SLC22A24: variants seen among roughly 807,000 people sequenced by gnomAD.
The protein encoded by SLC22A24 is solute carrier family 22 member 24.
In SLC22A24, 53 loss-of-function variants were observed where a neutral mutation model predicts 49.8. That is an observed-to-expected ratio of 1.06 (90% CI 0.85 to 1.34). The LOEUF is 1.34. Among genes scored for constraint, SLC22A24 ranks in the 40% most tolerant of loss-of-function variants. The probability of loss-of-function intolerance (pLI) is 0.00; values close to 1 mark genes in which losing one functional copy is unlikely to be tolerated. For missense variants in SLC22A24, 786 were observed against 675.9 expected (o/e 1.16, Z -1.81); for synonymous variants, 302 against 256.4 (o/e 1.18, Z -1.70).
intron 4 of SLC22A24, among the ~76,000 whole-genome samples, chr11:63,108,310 T>A (rs538109241): frequency 1.3e-5 from 2 of 152,318 alleles, no homozygotes; most frequent in Admixed American, 1.3e-4. Context: ...GATAAGCTTT[T>A]TGATGTGCTG....
rs143841916 is a variant in SLC22A24, at chr11:63,143,638, G to T, written c.142C>A (p.Arg48Ser). The change falls in exon 1 of 10, where the codon CGC becomes AGC. Residue 48 changes from arginine (R) to serine (S), a missense_variant. Transcript: ENST00000612278. ...TTGTCCAGGAGGGGGACCCAGCAGC[G>T]ATGACTAGGGGTGAATGCAGTGAAG... is the stretch of plus-strand genomic sequence containing the variant. Reference protein sequence around the residue: ...ENFTAFTPSHRCWVPLLDNDT... With the variant: ...ENFTAFTPSHSCWVPLLDNDT... 4 of 1,596,562 alleles carry T rather than the reference G, an allele frequency of 2.5e-6. No individual in the cohort carries two copies. Among genetic ancestry groups the T allele is most frequent in the Admixed American group, 1.7e-5 (1 of 57,964 alleles).
intron 4 of SLC22A24, among the ~76,000 whole-genome samples, chr11:63,111,955 T>C (rs2087168640): frequency 1.3e-5 from 2 of 152,146 alleles, no homozygotes; most frequent in Non-Finnish European, 2.9e-5. Flanking sequence ...GTGTCAATTT[T>C]GGATCTTTCT....
chr11:63,084,446 C>T (rs912636676), intron 6 of SLC22A24, among the ~76,000 whole-genome samples: 10 of 152,044 alleles, frequency 6.6e-5, no homozygotes, highest in South Asian at 2.1e-4. Flanking sequence ...GTGGGGAAGG[C>T]GACCAGCAAT....
At position 63,143,648 on chromosome 11, in the gene SLC22A24, G is replaced by A. The variant is rs148163521; in HGVS notation, c.132C>T (p.Thr44=). 3.1e-6 allele frequency: 5 copies of A among 1,599,126 alleles called. No homozygotes were observed. The highest frequency in any genetic ancestry group is 4.3e-6 in the Non-Finnish European group (5 of 1,173,208). ...GGGGGACCCAGCAGCGATGACTAGGGGTGAATGCAGTGAAGTTCTCCAACA... is the reference window on the plus strand; with the variant it reads ...GGGGGACCCAGCAGCGATGACTAGGAGTGAATGCAGTGAAGTTCTCCAACA... The part of the protein sequence containing the change: ...NIVLENFTAF[T]PSHRCWVPLL... Residue 44 remains threonine (T), a synonymous_variant, in exon 1 of 10, where the codon ACC becomes ACT. Coordinates refer to ENST00000612278, the MANE Select transcript of SLC22A24 (RefSeq NM_001136506.2).
At chr11:63,088,218 C>G (rs2086998909) in intron 6 of SLC22A24, among the ~76,000 whole-genome samples, 1 of 152,310 alleles carries the variant, frequency 6.6e-6, no homozygotes, top group South Asian at 2.1e-4. Flanking sequence ...ATGAAGCTTC[C>G]AGAGGAAGAA....
chr11:63,141,126 A>T (rs780200318), intron 1 of SLC22A24, among the ~76,000 whole-genome samples: 3 of 152,196 alleles, frequency 2.0e-5, no homozygotes, highest in Non-Finnish European at 2.9e-5. Context: ...GCGTTCTAAA[A>T]AGTTTATAAA....
chr11:63,109,594 C>T (rs2087147499), intron 4 of SLC22A24, among the ~76,000 whole-genome samples: 1 of 149,672 alleles, frequency 6.7e-6, no homozygotes, highest in South Asian at 2.1e-4. Flanking sequence ...TCTCTGATGG[C>T]CAGTGATGGT....
intron 4 of SLC22A24, among the ~76,000 whole-genome samples, chr11:63,108,061 G>C (rs2087133883): frequency 2.6e-5 from 4 of 152,030 alleles, no homozygotes; most frequent in Admixed American, 2.6e-4. Context: ...TATGATATTG[G>C]CTGTGGGTTT....
Position 63,082,554 on chromosome 11 carries a change from A to C in SLC22A24, c.1285+689T>G, listed in dbSNP as rs147062385. On this transcript the variant is annotated intron_variant, in intron 7 of 9. Transcript: ENST00000612278. ...TACAGAAGGTCATTCTATTAATTTA[A>C]CTTAGGAAAGTGGATTTTAAGAGAG... 1.9e-3 allele frequency among the ~76,000 whole-genome samples: 292 copies of C among 152,304 alleles called. 9 individuals carry two copies. In the East Asian group the frequency reaches 0.052, roughly 27 times the overall value.
intron 1 of SLC22A24, among the ~76,000 whole-genome samples, chr11:63,137,319 A>T (rs1050883581): frequency 2.0e-5 from 3 of 152,152 alleles, no homozygotes; most frequent in Non-Finnish European, 4.4e-5. Context: ...CCTGCTGTCC[A>T]TCTCATCTTT....
intron 6 of SLC22A24, among the ~76,000 whole-genome samples, chr11:63,093,497 G>A (rs1213335223): frequency 6.6e-6 from 1 of 152,134 alleles, no homozygotes; most frequent in African/African-American, 2.4e-5. Flanking sequence ...ATACACCATG[G>A]AATACTATGC....
intron 6 of SLC22A24, among the ~76,000 whole-genome samples, chr11:63,090,159 A>G (rs1480626535): frequency 2.0e-5 from 3 of 151,866 alleles, no homozygotes; most frequent in African/African-American, 7.3e-5. Flanking sequence ...AAGAAGAGCT[A>G]ACTATCCTAA....
intron 4 of SLC22A24, chr11:63,115,883 T>C (rs1039920112): frequency 7.4e-6 from 2 of 270,084 alleles, no homozygotes; most frequent in Non-Finnish European, 1.4e-5. Context: ...ATATCCACTC[T>C]GAAGTCTTTG....
At position 63,115,826 on chromosome 11, in the gene SLC22A24, T is replaced by C. The variant is rs550044233; in HGVS notation, c.830+3086A>G. ...CCAGCCCCATGCAGATGGCAGCCTA[T>C]TGGGGAGGTTGCACCATTCCTTCTG... On this transcript the variant is annotated intron_variant, in intron 4 of 9. Coordinates refer to ENST00000612278, the MANE Select transcript of SLC22A24 (RefSeq NM_001136506.2). 2.7e-4 allele frequency: 51 copies of C among 192,314 alleles called. 1 individual carries two copies. The highest frequency in any genetic ancestry group is 7.2e-4 in the South Asian group (4 of 5,572). The allele number at this position is 192,314 out of a possible 1,614,324, so 11.9% of individuals were successfully genotyped here.
At chr11:63,131,286 T>A (rs1190896434) in intron 2 of SLC22A24, among the ~76,000 whole-genome samples, 1 of 152,210 alleles carries the variant, frequency 6.6e-6, no homozygotes, top group Non-Finnish European at 1.5e-5. Flanking sequence ...CATTTAAGGT[T>A]AATATTATTA....
In SLC22A24 at chr11:63,143,369, G is replaced by A. The variant is rs751013180; in HGVS notation, c.402+9C>T. The A allele has an allele frequency of 1.4e-6, 2 of 1,432,148 alleles. No homozygotes were observed. The allele number at this position is 1,432,148 out of a possible 1,614,324, so 88.7% of individuals were successfully genotyped here. A position where few individuals can be genotyped will look rare whatever the true frequency, so the allele number is the denominator to read the frequency against. ...CATATAAACAGAAGATTTACATGGG[G>A]CCTCTTACCTCAGTCACGATGGTGG... On this transcript the variant is annotated intron_variant, in intron 1 of 9. Coordinates refer to ENST00000612278, the MANE Select transcript of SLC22A24 (RefSeq NM_001136506.2).
intron 2 of SLC22A24, among the ~76,000 whole-genome samples, chr11:63,126,884 T>C (rs1236286456): frequency 2.6e-5 from 4 of 152,144 alleles, no homozygotes; most frequent in Non-Finnish European, 4.4e-5. Context: ...TAAGTTGTAT[T>C]CCTAGGTATT....
chr11:63,134,171 A>C (rs1023291143), intron 2 of SLC22A24, among the ~76,000 whole-genome samples: 3 of 152,202 alleles, frequency 2.0e-5, no homozygotes, highest in African/African-American at 7.2e-5. Flanking sequence ...TACCCACTGC[A>C]CATGAGCACT....
At position 63,119,165 on chromosome 11, in the gene SLC22A24, C is replaced by G. The variant is rs376992697; in HGVS notation, c.661+16G>C. 21 of 1,529,520 alleles carry G rather than the reference C, an allele frequency of 1.4e-5. No homozygotes were observed. The highest frequency in any genetic ancestry group is 1.7e-4 in the Middle Eastern group (1 of 5,890). 94.7% of individuals were successfully genotyped at this position (1,529,520 alleles called of 1,614,324 possible). A position where few individuals can be genotyped will look rare whatever the true frequency, so the allele number is the denominator to read the frequency against. On this transcript the variant is annotated intron_variant, in intron 3 of 9. Coordinates refer to ENST00000612278, the MANE Select transcript of SLC22A24 (RefSeq NM_001136506.2). ...CAAGACATGGAGATGATAAAATGCTCAAATTATTGACTTACTGAGAATAAA... is the reference window on the plus strand; with the variant it reads ...CAAGACATGGAGATGATAAAATGCTGAAATTATTGACTTACTGAGAATAAA...
Sources: gnomAD v4.1 joint callset for allele counts (sites outside exome capture counted in the v4.1 genomes callset) on GRCh38, gnomAD v4.1.1 for gene constraint, MANE v1.5 for transcripts, NCBI Gene and HGNC (gene_info 2026-07-23, HGNC 2026-07-21) for gene names.